DAPK1: variants seen among roughly 807,000 people sequenced by gnomAD.
DAPK1 encodes the protein death-associated protein kinase 1.
Under a neutral mutation model 144.9 loss-of-function variants are expected in DAPK1, and 56 were observed. The observed-to-expected ratio is 0.39, with a 90% CI of 0.31 to 0.48. DAPK1 has a LOEUF of 0.48. Among genes scored for constraint, DAPK1 ranks in the 20% least tolerant of loss-of-function variants. The pLI is 0.95. For synonymous variants in DAPK1, 690 were observed against 749.0 expected, an observed-to-expected ratio of 0.92 and a Z score of 1.29; for missense variants, 1,454 against 1,875.4, an observed-to-expected ratio of 0.78 and a Z score of 4.15.
intron 2 of DAPK1, among the ~76,000 whole-genome samples, chr9:87,514,759 A>T (rs985957287): frequency 6.6e-6 from 1 of 152,276 alleles, no homozygotes; most frequent in Non-Finnish European, 1.5e-5. Flanking sequence ...ATTCAGCAGC[A>T]GGGAGACTTG....
intron 3 of DAPK1, among the ~76,000 whole-genome samples, chr9:87,623,988 T>C (rs1403287967): frequency 6.6e-6 from 1 of 152,218 alleles, no homozygotes; most frequent in African/African-American, 2.4e-5. Context: ...ATACATCGTG[T>C]CATTTAATCC....
At chr9:87,537,930 T>G (rs1162929593) in intron 2 of DAPK1, among the ~76,000 whole-genome samples, 1 of 152,172 alleles carries the variant, frequency 6.6e-6, no homozygotes, top group Non-Finnish European at 1.5e-5. Flanking sequence ...TTTACAAAAG[T>G]AGTGGCTGCC....
At chr9:87,619,243 G>A (rs550553754) in intron 3 of DAPK1, among the ~76,000 whole-genome samples, 3 of 152,208 alleles carry the variant, frequency 2.0e-5, no homozygotes, top group African/African-American at 7.2e-5. Context: ...GGCGTGTGTC[G>A]ATTATAGCAC....
At chr9:87,529,504 C>T (rs1032205991) in intron 2 of DAPK1, among the ~76,000 whole-genome samples, 1 of 152,308 alleles carries the variant, frequency 6.6e-6, no homozygotes, top group Admixed American at 6.5e-5. Flanking sequence ...TCCTGAGCAT[C>T]TACAACAGTG....
At chr9:87,632,206 A>T (rs1201889831) in intron 3 of DAPK1, 2 of 956,960 alleles carry the variant, frequency 2.1e-6, no homozygotes, top group Non-Finnish European at 2.5e-6. Context: ...AAGGAGGATG[A>T]GTATATATGT....
At chr9:87,556,052 T>C (rs1462315118) in intron 2 of DAPK1, among the ~76,000 whole-genome samples, 1 of 152,204 alleles carries the variant, frequency 6.6e-6, no homozygotes, top group Admixed American at 6.5e-5. Flanking sequence ...AATGCCACCA[T>C]GGTAATTACT....
At chr9:87,522,037 A>T (rs1316255727) in intron 2 of DAPK1, among the ~76,000 whole-genome samples, 1 of 152,220 alleles carries the variant, frequency 6.6e-6, no homozygotes, top group Non-Finnish European at 1.5e-5. Context: ...TGATGCAGCA[A>T]GAAGATGCTC....
chr9:87,534,258 GT>G (rs5899004), intron 2 of DAPK1, among the ~76,000 whole-genome samples: 1 of 145,568 alleles, frequency 6.9e-6, no homozygotes, highest in Non-Finnish European at 1.5e-5. Flanking sequence ...TTTTTTTTTT[GT>G]TTTTTTTTTT....
intron 2 of DAPK1, among the ~76,000 whole-genome samples, chr9:87,539,807 G>A (rs897346027): frequency 1.3e-5 from 2 of 151,966 alleles, no homozygotes; most frequent in African/African-American, 4.8e-5. Flanking sequence ...AGCTATTCAC[G>A]ATGTCTGTCT....
intron 19 of DAPK1, chr9:87,668,959 C>G (rs186125146): frequency 3.2e-6 from 1 of 316,256 alleles, no homozygotes; most frequent in Non-Finnish European, 5.9e-6. Flanking sequence ...CACAAAGTAG[C>G]GGGGGATGAG....
At chr9:87,643,347 CTTTTTT>C in intron 10 of DAPK1, 23 bp from the exon 11 acceptor site, 5 of 1,001,848 alleles carry the variant, frequency 5.0e-6, no homozygotes, top group South Asian at 1.7e-5. Context: ...CCCGCCCTCC[CTTTTTT>C]TTTTTTTTTT....
At position 87,681,647 on chromosome 9, in the gene DAPK1, C is replaced by A. The variant is rs771995253; in HGVS notation, c.2224+21C>A. Reference sequence around the variant, plus strand: ...CACAGGTAGGAACCTCCATGCTGGCCCCGTCTCTCCAGCAGGTGTTGGCTT... The same window carrying A: ...CACAGGTAGGAACCTCCATGCTGGCACCGTCTCTCCAGCAGGTGTTGGCTT... On this transcript the variant is annotated intron_variant, in intron 20 of 25. Coordinates refer to ENST00000408954, the MANE Select transcript of DAPK1 (RefSeq NM_004938.4). 9.8e-6 allele frequency: 12 copies of A among 1,219,408 alleles called. No homozygotes were observed. In the South Asian group the frequency reaches 1.3e-4, roughly 14 times the overall value. The allele number at this position is 1,219,408 out of a possible 1,614,324, so 75.5% of individuals were successfully genotyped here.
chr9:87,582,680 G>A (rs1226847272), intron 2 of DAPK1, among the ~76,000 whole-genome samples: 5 of 151,134 alleles, frequency 3.3e-5, no homozygotes, highest in South Asian at 2.1e-4. Context: ...TCAGCTTCCC[G>A]AGTAGCTGGG....
chr9:87,693,373 T>C lies in DAPK1; in HGVS notation c.2414-3634T>C, dbSNP rs919749560. 1.1e-4 allele frequency among the ~76,000 whole-genome samples: 17 copies of C among 152,152 alleles called. No homozygotes were observed. The East Asian group carries it at 3.1e-3, about 28-fold the overall frequency. ...TGATCTAGTCTATTGTTGCAGCTTT[T>C]GAATAAATTTTCTGTTTTATTCAAG... is the stretch of plus-strand genomic sequence containing the variant. On this transcript the variant is annotated intron_variant, in intron 21 of 25. Coordinates refer to ENST00000408954, the MANE Select transcript of DAPK1 (RefSeq NM_004938.4).
rs11141932 is a variant in DAPK1, at chr9:87,655,638, A to G, written c.1825-2391A>G. On this transcript the variant is annotated intron_variant, in intron 17 of 25. Transcript: ENST00000408954. ...TGTCACCAGTATGTGACAGGACCTC[A>G]TGGCTATGTTTGACGCTAATGCAGT... 6.1e-3 allele frequency among the ~76,000 whole-genome samples: 927 copies of G among 152,214 alleles called. 62 individuals carry two copies. The East Asian group carries it at 0.13, about 21-fold the overall frequency.
At chr9:87,561,549 A>G (rs1826926700) in intron 2 of DAPK1, among the ~76,000 whole-genome samples, 1 of 152,116 alleles carries the variant, frequency 6.6e-6, no homozygotes, top group African/African-American at 2.4e-5. Flanking sequence ...AATACACCAA[A>G]TATGTTAGCC....
At chr9:87,701,457 T>TA (rs1386804590) in intron 24 of DAPK1, among the ~76,000 whole-genome samples, 4 of 152,222 alleles carry the variant, frequency 2.6e-5, no homozygotes, top group Non-Finnish European at 5.9e-5. Context: ...TAAAAATTTT[T>TA]AAAATTTTTT....
chr9:87,554,530 ACT>A (rs1256651567), intron 2 of DAPK1: 1 of 152,092 alleles, frequency 6.6e-6, no homozygotes. Flanking sequence ...CTATGCTGGA[ACT>A]CTGTCTTTGA....
chr9:87,687,677 A>C (rs1824911941), intron 21 of DAPK1, among the ~76,000 whole-genome samples: 1 of 152,190 alleles, frequency 6.6e-6, no homozygotes, highest in Non-Finnish European at 1.5e-5. Context: ...TTACTAGATC[A>C]TATGTTAGCT....
Sources: gnomAD v4.1 joint callset for allele counts (sites outside exome capture counted in the v4.1 genomes callset) on GRCh38, gnomAD v4.1.1 for gene constraint, MANE v1.5 for transcripts, NCBI Gene and HGNC (gene_info 2026-07-23, HGNC 2026-07-21) for gene names.